Variants in NME9 observed in about 807,000 individuals in gnomAD.
The protein encoded by NME9 is NME/NM23 family member 9.
Under a neutral mutation model 44.4 loss-of-function variants are expected in NME9, and 48 were observed. The ratio of observed to expected loss-of-function variants is 1.08; its 90% CI spans 0.86 to 1.37. The LOEUF is 1.37. Among genes scored for constraint, NME9 ranks in the 40% most tolerant of loss-of-function variants. The pLI, the probability that NME9 is intolerant of heterozygous loss-of-function variation, is 0.00. For missense variants in NME9, 325 were observed against 405.2 expected, an observed-to-expected ratio of 0.80 and a Z score of 1.70; for synonymous variants, 139 against 147.1, an observed-to-expected ratio of 0.94 and a Z score of 0.40.
Position 138,314,385 on chromosome 3 carries a change from T to A in NME9, c.407A>T (p.Asp136Val). The A allele has an allele frequency of 6.2e-7, 1 of 1,608,370 alleles. No homozygotes were observed. The highest frequency in any genetic ancestry group is 8.5e-7 in the Non-Finnish European group (1 of 1,175,556). The change falls in exon 6 of 11, where the codon GAT (aspartate) becomes GTT (valine). Residue 136 changes from aspartate to valine, a missense_variant. Asp to Val is a radical substitution (Grantham distance 152). Transcript: ENST00000333911. Reference sequence around the variant, plus strand: ...TCCATGGGAAACACATTCATCTTCATCAGAAAGAGCCTCATCTTTAATCTA... The same window carrying A: ...TCCATGGGAAACACATTCATCTTCAACAGAAAGAGCCTCATCTTTAATCTA... ...RKVIKDEALS[D>V]EDECVSHGKN...
chr3:138,273,277 C>T (rs542014483), intron 8 of NME9, among the ~76,000 whole-genome samples: 6 of 152,324 alleles, frequency 3.9e-5, no homozygotes, highest in African/African-American at 1.2e-4. Flanking sequence ...CTGTCACCTT[C>T]GTAGGTGTTC....
chr3:138,329,416 T>A lies in NME9; in HGVS notation c.-81A>T. On this transcript the variant is annotated 5_prime_UTR_variant, in exon 1 of 11. Coordinates refer to ENST00000333911, the MANE Select transcript of NME9 (RefSeq NM_001349018.2). ...GCCTCGCGACAAACCGCTGCGTGGA[T>A]CAGCAAGCCCAGAGCCTCCTTCAGA... 6.5e-7 allele frequency: 1 copy of A among 1,533,956 alleles called. No homozygotes were observed. Among genetic ancestry groups the A allele is most frequent in the South Asian group, 1.2e-5 (1 of 83,750 alleles).
rs764475245 is a variant in NME9, at chr3:138,318,209, T to A, written c.206A>T (p.Asp69Val). The A allele has an allele frequency of 1.9e-6, 3 of 1,611,432 alleles. No individual in the cohort carries two copies. In the South Asian group the frequency reaches 3.3e-5, roughly 18 times the overall value. Residue 69 changes from aspartate (D) to valine (V), a missense_variant, in exon 4 of 11, where the codon GAT becomes GTT. Transcript: ENST00000333911. The part of the protein sequence containing the change: ...DLLHFALAEA[D>V]RLDVLEKYRG... Reference sequence around the variant, plus strand: ...GTACTTTTCGAGGACATCAAGACGATCTGCCTCTGCCTAAAGAAAGCCACT... The same window carrying A: ...GTACTTTTCGAGGACATCAAGACGAACTGCCTCTGCCTAAAGAAAGCCACT...
At chr3:138,263,357 G>A (rs936077534) in intron 8 of NME9, among the ~76,000 whole-genome samples, 1 of 152,186 alleles carries the variant, frequency 6.6e-6, no homozygotes, top group Non-Finnish European at 1.5e-5. Context: ...GGCTGAGCAT[G>A]GACTGTGATT....
chr3:138,318,143 C>T lies in NME9; in HGVS notation c.267+5G>A, dbSNP rs1480980603. 1.3e-6 allele frequency: 2 copies of T among 1,566,138 alleles called. No individual in the cohort carries two copies. Among genetic ancestry groups the T allele is most frequent in the East Asian group, 4.5e-5 (2 of 44,646 alleles). ...AAATAGTTCTGATTCTGAAAATGTACTTACTGCATAAAACAGAAAGGTTGG... is the reference window on the plus strand; with the variant it reads ...AAATAGTTCTGATTCTGAAAATGTATTTACTGCATAAAACAGAAAGGTTGG... On this transcript the variant is annotated splice_donor_5th_base_variant and intron_variant, in intron 4 of 10. Coordinates refer to ENST00000333911, the MANE Select transcript of NME9 (RefSeq NM_001349018.2).
intron 8 of NME9, chr3:138,284,633 A>G (rs1280496401): frequency 1.3e-6 from 1 of 779,586 alleles, no homozygotes; most frequent in Non-Finnish European, 2.1e-6. Context: ...AGAATAGATT[A>G]CTCTGTGACT....
At chr3:138,267,104 C>A in intron 8 of NME9, 1 of 918,928 alleles carries the variant, frequency 1.1e-6, no homozygotes, top group Non-Finnish European at 1.6e-6. Context: ...CATTTTATAT[C>A]TCATCTTCAT....
intron 8 of NME9, chr3:138,263,616 G>A (rs980987843): frequency 2.3e-6 from 2 of 860,958 alleles, no homozygotes; most frequent in African/African-American, 3.3e-5. Flanking sequence ...TTGTTTGAGA[G>A]GTAAAAACTC....
chr3:138,267,983 G>C (rs145550266), intron 8 of NME9, among the ~76,000 whole-genome samples: 2 of 152,058 alleles, frequency 1.3e-5, no homozygotes, highest in African/African-American at 2.4e-5. Context: ...TGGTTCATGC[G>C]TGTAAACCCA....
At chr3:138,316,764 G>A (rs945272189) in intron 4 of NME9, among the ~76,000 whole-genome samples, 18 of 152,194 alleles carry the variant, frequency 1.2e-4, no homozygotes, top group Non-Finnish European at 2.4e-4. Context: ...ACAGACACCC[G>A]CCACCAGGCC....
chr3:138,275,475 C>T (rs991794753), intron 8 of NME9, among the ~76,000 whole-genome samples: 3 of 152,168 alleles, frequency 2.0e-5, no homozygotes, highest in African/African-American at 4.8e-5. Flanking sequence ...AGGAGAATGG[C>T]GTGAACCTGG....
intron 7 of NME9, 104 bp downstream of exon 7, chr3:138,306,294 T>G (rs3856636): frequency 0.73 from 693,415 of 953,656 alleles, 253,513 homozygotes; most frequent in East Asian, 0.86. Flanking sequence ...CCCCTTAGAA[T>G]TCATCTTTCT....
chr3:138,273,241 A>G, intron 8 of NME9: 2 of 1,055,040 alleles, frequency 1.9e-6, no homozygotes, highest in Non-Finnish European at 2.7e-6. Flanking sequence ...CCCCCTTCCA[A>G]AGAAACAAGG....
intron 8 of NME9, among the ~76,000 whole-genome samples, chr3:138,267,971 G>A (rs1017598870): frequency 2.0e-5 from 3 of 152,142 alleles, no homozygotes; most frequent in Admixed American, 6.5e-5. Flanking sequence ...GGCCAGGCAC[G>A]GTGGTTCATG....
At chr3:138,296,030 G>A, downstream of NME9, 2 of 694,338 alleles carry the variant, frequency 2.9e-6, no homozygotes, top group Middle Eastern at 3.5e-4. Context: ...AGTTTAGTAG[G>A]CTTAGATCTC....
intron 8 of NME9, chr3:138,290,650 A>G: frequency 6.3e-7 from 1 of 1,574,856 alleles, no homozygotes; most frequent in Non-Finnish European, 8.7e-7. Context: ...GTGAGTATGA[A>G]TGTGAAAAGG....
intron 8 of NME9, among the ~76,000 whole-genome samples, chr3:138,274,767 T>C (rs1020993044): frequency 2.0e-5 from 3 of 152,216 alleles, no homozygotes; most frequent in Non-Finnish European, 4.4e-5. Flanking sequence ...GCTCTCTGTG[T>C]CATGCACTGT....
intron 2 of NME9, 113 bp from the exon 3 acceptor site, chr3:138,319,694 A>T: frequency 1.5e-6 from 1 of 658,690 alleles, no homozygotes; most frequent in Non-Finnish European, 2.8e-6. Flanking sequence ...ATTTGCCGGG[A>T]TATCTAATGG....
At position 138,303,503 on chromosome 3, in the gene NME9, T is replaced by C; in HGVS notation, c.928+4A>G. On this transcript the variant is annotated splice_donor_region_variant and intron_variant, in intron 10 of 10. Coordinates refer to ENST00000333911, the MANE Select transcript of NME9 (RefSeq NM_001349018.2). Reference sequence around the variant, plus strand: ...TAAAGACCAAGTCTGCCTTGATGACTTACCCTGAGGGGCTTCTGTATCTTT... The same window carrying C: ...TAAAGACCAAGTCTGCCTTGATGACCTACCCTGAGGGGCTTCTGTATCTTT... 6.2e-7 allele frequency: 1 copy of C among 1,611,444 alleles called. No homozygotes were observed. Among genetic ancestry groups the C allele is most frequent in the East Asian group, 2.2e-5 (1 of 44,862 alleles).
Sources: gnomAD v4.1 joint callset for allele counts (sites outside exome capture counted in the v4.1 genomes callset) on GRCh38, gnomAD v4.1.1 for gene constraint, MANE v1.5 for transcripts, NCBI Gene and HGNC (gene_info 2026-07-23, HGNC 2026-07-21) for gene names.